ANKUB1: variants seen among roughly 807,000 people sequenced by gnomAD.
The protein encoded by ANKUB1 is protein ANKUB1.
A neutral mutation model predicts 49.3 loss-of-function variants in ANKUB1; 42 were observed. That is an observed-to-expected ratio of 0.85 (90% confidence interval 0.67 to 1.10). The LOEUF is 1.10. ANKUB1 is among the 50% of genes least tolerant of loss of function. The pLI, the probability that ANKUB1 is intolerant of heterozygous loss-of-function variation, is 0.00. For missense variants in ANKUB1, 613 were observed against 642.0 expected (o/e 0.95, Z 0.49); for synonymous variants, 222 against 231.0 (o/e 0.96, Z 0.35).
chr3:149,766,403 C>T (rs77568202), intron 5 of ANKUB1, among the ~76,000 whole-genome samples: 3,236 of 152,214 alleles, frequency 0.021, 114 homozygotes, highest in African/African-American at 0.074. Flanking sequence ...TGTCTCCCTC[C>T]CATATTTCAG....
At chr3:149,764,602 C>T (rs77451109) in intron 5 of ANKUB1, among the ~76,000 whole-genome samples, 8,085 of 47,968 alleles carry the variant, frequency 0.17, 700 homozygotes, top group African/African-American at 0.36. Context: ...CTTCCTTCCT[C>T]CCTCCCTCCC....
At position 149,761,547 on chromosome 3, in the gene ANKUB1, A is replaced by C; in HGVS notation, c.1572T>G (p.Ile524Met). The change falls in exon 6 of 6, where the codon ATT (isoleucine) becomes ATG (methionine). Residue 524 changes from isoleucine (I) to methionine (M), a missense_variant. Transcript: ENST00000446160. ...EIARVLAKKS[I>M]SNLTTRGGLT... ...GACCTCCTCGGGTAGTCAAGTTAGA[A>C]ATGCTCTTTTTGGCCAGGACTCTTG... 1 of 1,551,448 alleles carries C rather than the reference A, an allele frequency of 6.4e-7. No individual in the cohort carries two copies. The highest frequency in any genetic ancestry group is 8.7e-7 in the Non-Finnish European group (1 of 1,146,846).
At chr3:149,792,102 G>A (rs1002852725) in intron 1 of ANKUB1, among the ~76,000 whole-genome samples, 175 bp downstream of exon 1, 1 of 151,810 alleles carries the variant, frequency 6.6e-6, no homozygotes, top group Non-Finnish European at 1.5e-5. Flanking sequence ...CACTACCAGA[G>A]TTACTATCTT....
chr3:149,765,978 T>A (rs1487517204), intron 5 of ANKUB1, among the ~76,000 whole-genome samples: 1 of 152,236 alleles, frequency 6.6e-6, no homozygotes, highest in Non-Finnish European at 1.5e-5. Flanking sequence ...TGAGCTGAGC[T>A]AAAGACCAGT....
At chr3:149,772,152 G>T (rs1559864672) in intron 3 of ANKUB1, among the ~76,000 whole-genome samples, 1 of 151,406 alleles carries the variant, frequency 6.6e-6, no homozygotes, top group Non-Finnish European at 1.5e-5. Context: ...ACCCTCTCAA[G>T]TAGCTGGATT....
intron 3 of ANKUB1, among the ~76,000 whole-genome samples, chr3:149,774,694 T>C (rs1717514596): frequency 6.6e-6 from 1 of 152,236 alleles, no homozygotes; most frequent in African/African-American, 2.4e-5. Context: ...ACGGGTGTTA[T>C]AACCATCAGT....
chr3:149,786,982 A>G (rs1447991345), intron 2 of ANKUB1, among the ~76,000 whole-genome samples: 1 of 152,174 alleles, frequency 6.6e-6, no homozygotes, highest in Non-Finnish European at 1.5e-5. Flanking sequence ...TTAGCCTTAT[A>G]GTATAGTTTG....
rs1311592241 is a variant in ANKUB1 at position 149,767,277 on chromosome 3, G to T, written c.1385C>A (p.Pro462Gln). The change falls in exon 5 of 6, where the codon CCA becomes CAA. Residue 462 changes from proline to glutamine, a missense_variant. Physicochemically the swap from Pro to Gln is moderately conservative, Grantham distance 76. Coordinates refer to ENST00000446160, the MANE Select transcript of ANKUB1 (RefSeq NM_001144960.3). ...PPVSRVGYSH[P>Q]SFFYATPSAD... ...ACTGGGTGTTGCATAGAAAAACGAT[G>T]GATGTGAATATCCCACTCTTGAAAC... 1 of 1,551,658 alleles carries T rather than the reference G, an allele frequency of 6.4e-7. No individual in the cohort carries two copies. Among genetic ancestry groups the T allele is most frequent in the East Asian group, 2.4e-5 (1 of 40,928 alleles).
At chr3:149,772,329 A>G (rs1004517407) in intron 3 of ANKUB1, among the ~76,000 whole-genome samples, 1 of 151,914 alleles carries the variant, frequency 6.6e-6, no homozygotes, top group Non-Finnish European at 1.5e-5. Context: ...CATCCTTCTC[A>G]TTTTTTCATG....
In ANKUB1 at chr3:149,761,233, C is replaced by T. The variant is rs1390590903; in HGVS notation, c.*251G>A. The stretch of plus-strand genomic sequence containing the variant: ...TTTCCATTGTCTCAGCTCCCCTACC[C>T]TGTGGACAACTACTATTCTAAGTTT... On this transcript the variant is annotated 3_prime_UTR_variant, in exon 6 of 6. Coordinates refer to ENST00000446160, the MANE Select transcript of ANKUB1 (RefSeq NM_001144960.3). The T allele has an allele frequency of 6.3e-6, 2 of 319,956 alleles. No homozygotes were observed. Among genetic ancestry groups the T allele is most frequent in the African/African-American group, 4.3e-5 (2 of 47,048 alleles). 19.8% of individuals were successfully genotyped at this position (319,956 alleles called of 1,614,324 possible). A position where few individuals can be genotyped will look rare whatever the true frequency, so the allele number is the denominator to read the frequency against.
At position 149,762,749 on chromosome 3, in the gene ANKUB1, G is replaced by C. The variant is rs762106167; in HGVS notation, c.1506-1136C>G. ...CCCACCTACCTCCTACCCCATGGAA[G>C]GGGGAATAAGAAGCAAACTCTTCAC... On this transcript the variant is annotated intron_variant, in intron 5 of 5. Coordinates refer to ENST00000446160, the MANE Select transcript of ANKUB1 (RefSeq NM_001144960.3). Among the ~76,000 whole-genome samples, 89 of 152,308 alleles carry C rather than the reference G, an allele frequency of 5.8e-4. 1 individual carries two copies. Among genetic ancestry groups the C allele is most frequent in the Non-Finnish European group, 2.6e-4 (18 of 68,024 alleles).
chr3:149,791,551 T>C lies in ANKUB1; in HGVS notation c.91-627A>G, dbSNP rs77656690. On this transcript the variant is annotated intron_variant, in intron 1 of 5. Transcript: ENST00000446160. ...ACATAGAGGTTAAGATCCCTTGTGTTACAAGATTTAGATTTCAATCATCAT... is the reference window on the plus strand; with the variant it reads ...ACATAGAGGTTAAGATCCCTTGTGTCACAAGATTTAGATTTCAATCATCAT... Among the ~76,000 whole-genome samples the C allele has an allele frequency of 5.8e-3, 880 of 152,330 alleles. 6 individuals are homozygous for C. Among genetic ancestry groups the C allele is most frequent in the African/African-American group, 0.02 (850 of 41,572 alleles).
intron 2 of ANKUB1, among the ~76,000 whole-genome samples, chr3:149,788,326 A>G (rs1484612616): frequency 6.6e-6 from 1 of 152,016 alleles, no homozygotes; most frequent in Non-Finnish European, 1.5e-5. Flanking sequence ...AGAGTTTTTA[A>G]TTAAACTCTG....
chr3:149,787,087 T>C (rs983907059), intron 2 of ANKUB1, among the ~76,000 whole-genome samples: 15 of 152,230 alleles, frequency 9.9e-5, no homozygotes, highest in Non-Finnish European at 1.0e-4. Context: ...AACTTTAAAC[T>C]AGTTTTTTCC....
chr3:149,779,398 G>A (rs1717749564), intron 3 of ANKUB1: 1 of 151,878 alleles, frequency 6.6e-6, no homozygotes, highest in South Asian at 2.1e-4. Context: ...TTGAACTACT[G>A]AGCTCAAGTG....
chr3:149,788,367 G>A (rs1718206645), intron 2 of ANKUB1, among the ~76,000 whole-genome samples: 1 of 151,818 alleles, frequency 6.6e-6, no homozygotes, highest in Non-Finnish European at 1.5e-5. Context: ...CTTCTGCCCT[G>A]GCTCTCTTGA....
chr3:149,776,520 A>G (rs1717602317), intron 3 of ANKUB1, among the ~76,000 whole-genome samples: 2 of 152,224 alleles, frequency 1.3e-5, no homozygotes, highest in African/African-American at 4.8e-5. Context: ...CAGCTTTGCC[A>G]CTAACTGACC....
At chr3:149,784,255 A>T (rs1331003031) in intron 2 of ANKUB1, among the ~76,000 whole-genome samples, 1 of 152,188 alleles carries the variant, frequency 6.6e-6, no homozygotes, top group Non-Finnish European at 1.5e-5. Context: ...TTATAGAAGG[A>T]GGCAGGGAAA....
chr3:149,771,557 C>G (rs1286811222), intron 3 of ANKUB1, among the ~76,000 whole-genome samples: 1 of 152,168 alleles, frequency 6.6e-6, no homozygotes, highest in Non-Finnish European at 1.5e-5. Flanking sequence ...CCATCACTAC[C>G]TCCTCACCTT....
Sources: allele counts gnomAD v4.1 joint callset (sites outside exome capture counted in the v4.1 genomes callset), GRCh38; gene constraint gnomAD v4.1.1; transcripts MANE v1.5; gene names NCBI Gene and HGNC (gene_info 2026-07-23, HGNC 2026-07-21).